The following MBNL1 variants were observed in gnomAD, a reference collection of about 807,000 sequenced individuals.
The protein encoded by MBNL1 is muscleblind like splicing regulator 1, also known as muscleblind-like protein 1.
Under a neutral mutation model 42.2 loss-of-function variants are expected in MBNL1, and 8 were observed. The observed-to-expected ratio is 0.19, with a 90% CI of 0.11 to 0.34. The LOEUF (loss-of-function observed/expected upper bound fraction) is 0.34, where lower values mean the gene tolerates loss of function less well. Ranked by LOEUF, MBNL1 falls within the 10% of genes least tolerant of loss-of-function variation. MBNL1 has a pLI of 1.00. For missense variants in MBNL1, 309 were observed against 495.3 expected, an observed-to-expected ratio of 0.62 and a Z score of 3.57; for synonymous variants, 169 against 173.9, an observed-to-expected ratio of 0.97 and a Z score of 0.22.
intron 2 of MBNL1, among the ~76,000 whole-genome samples, chr3:152,373,397 T>C (rs7650631): frequency 0.55 from 81,365 of 148,192 alleles, 22,461 homozygotes; most frequent in Middle Eastern, 0.62. Context: ...TCTGCCTAAA[T>C]GGCTGCCCTG....
At chr3:152,389,958 A>T (rs934293487) in intron 2 of MBNL1, among the ~76,000 whole-genome samples, 1 of 151,876 alleles carries the variant, frequency 6.6e-6, no homozygotes, top group Non-Finnish European at 1.5e-5. Context: ...TCACTGCAAC[A>T]TATGCCTCCC....
chr3:152,244,419 G>C (rs886213957), exon 2 of MBNL1: 2 of 100,244 alleles, frequency 2.0e-5, no homozygotes, highest in African/African-American at 6.1e-5. Context: ...AGCTTAACAA[G>C]CAACTATAAC....
At chr3:152,364,513 G>A (rs1028715367) in intron 2 of MBNL1, among the ~76,000 whole-genome samples, 6 of 151,966 alleles carry the variant, frequency 3.9e-5, no homozygotes, top group African/African-American at 1.2e-4. Context: ...AAACATATCT[G>A]CCACTCAGGT....
rs2099213463 is a variant in MBNL1 at position 152,445,677 on chromosome 3, A to G, written c.807+138A>G. On this transcript the variant is annotated intron_variant, in intron 5 of 9. Transcript: ENST00000324210. ...TATGTTTGTTCAGGTATCCCAGACA[A>G]TATATAAAGAAGTTACTTTCACAGA... is the stretch of plus-strand genomic sequence containing the variant. 1.3e-5 allele frequency: 11 copies of G among 861,622 alleles called. No homozygotes were observed. In the East Asian group the frequency reaches 2.1e-4, roughly 17 times the overall value. The allele number at this position is 861,622 out of a possible 1,614,324, so 53.4% of individuals were successfully genotyped here.
At chr3:152,244,722 C>T (rs1220875331) in intron 2 of MBNL1, among the ~76,000 whole-genome samples, 1 of 152,048 alleles carries the variant, frequency 6.6e-6, no homozygotes, top group Non-Finnish European at 1.5e-5. Flanking sequence ...TAATTTTGCA[C>T]ACAATTTAGT....
intron 2 of MBNL1, among the ~76,000 whole-genome samples, chr3:152,321,645 C>A (rs1279642202): frequency 6.6e-6 from 1 of 151,970 alleles, no homozygotes; most frequent in Admixed American, 6.6e-5. Flanking sequence ...AGAAGCAGGT[C>A]TAATTTTCTA....
intron 2 of MBNL1, among the ~76,000 whole-genome samples, chr3:152,359,357 A>G (rs1009776326): frequency 2.6e-5 from 4 of 152,170 alleles, no homozygotes; most frequent in East Asian, 3.8e-4. Context: ...AATTCCATCT[A>G]TTATTTATCA....
At chr3:152,340,434 G>A in intron 2 of MBNL1, 3 of 1,446,830 alleles carry the variant, frequency 2.1e-6, no homozygotes, top group Non-Finnish European at 2.8e-6. Context: ...GCCAAGTTCA[G>A]TTCCATTTTT....
intron 2 of MBNL1, among the ~76,000 whole-genome samples, chr3:152,334,562 C>G (rs1251142721): frequency 6.6e-6 from 1 of 152,118 alleles, no homozygotes; most frequent in Non-Finnish European, 1.5e-5. Context: ...AATATTTTCC[C>G]ATTGGTTGGA....
At chr3:152,365,422 T>C (rs1472686689) in intron 2 of MBNL1, among the ~76,000 whole-genome samples, 1 of 152,134 alleles carries the variant, frequency 6.6e-6, no homozygotes, top group Non-Finnish European at 1.5e-5. Context: ...AAAATTGTCA[T>C]TATTTCTTTT....
chr3:152,298,335 G>A (rs1281573225), intron 1 of MBNL1, among the ~76,000 whole-genome samples: 2 of 151,990 alleles, frequency 1.3e-5, no homozygotes, highest in African/African-American at 2.4e-5. Context: ...GTTGTTAAAA[G>A]TAAAAATGCC....
At chr3:152,274,221 T>A (rs1177173859) in intron 1 of MBNL1, among the ~76,000 whole-genome samples, 2 of 104,058 alleles carry the variant, frequency 1.9e-5, no homozygotes, top group Admixed American at 9.1e-5. Context: ...ATTCTAGATT[T>A]ATGGGGACAT....
chr3:152,352,816 A>C lies in MBNL1; in HGVS notation c.174+52449A>C, dbSNP rs900317882. Among the ~76,000 whole-genome samples, 3 of 152,206 alleles carry C rather than the reference A, an allele frequency of 2.0e-5. No homozygotes were observed. The East Asian group carries it at 5.8e-4, about 29-fold the overall frequency. On this transcript the variant is annotated intron_variant, in intron 2 of 9. Coordinates refer to ENST00000324210, the MANE Select transcript of MBNL1 (RefSeq NM_021038.5). Reference sequence around the variant, plus strand: ...ATTTGCCCTGCATGTACTGTGGCTAACACTGTTGTGTCAGTGCTCACTTAG... The same window carrying C: ...ATTTGCCCTGCATGTACTGTGGCTACCACTGTTGTGTCAGTGCTCACTTAG...
chr3:152,335,665 C>T (rs558715268), intron 2 of MBNL1, among the ~76,000 whole-genome samples: 1 of 151,446 alleles, frequency 6.6e-6, no homozygotes, highest in Non-Finnish European at 1.5e-5. Flanking sequence ...TTTAAATTAT[C>T]TTCCCTTTTA....
chr3:152,334,146 A>T (rs2087532949), intron 2 of MBNL1, among the ~76,000 whole-genome samples: 1 of 152,212 alleles, frequency 6.6e-6, no homozygotes, highest in Non-Finnish European at 1.5e-5. Flanking sequence ...CAATACTTTT[A>T]TACTTAGAAT....
At chr3:152,414,265 T>C (rs947591080) in intron 2 of MBNL1, among the ~76,000 whole-genome samples, 6 of 152,212 alleles carry the variant, frequency 3.9e-5, no homozygotes, top group East Asian at 1.9e-4. Context: ...TCTTATTGTT[T>C]CATAGATTTT....
chr3:152,399,626 A>C (rs1217646397), intron 2 of MBNL1, among the ~76,000 whole-genome samples: 1 of 152,048 alleles, frequency 6.6e-6, no homozygotes, highest in Non-Finnish European at 1.5e-5. Context: ...AATTCTCCCA[A>C]GTAGCTGGGA....
chr3:152,269,388 G>C (rs1263809413), intron 1 of MBNL1: 18 of 365,064 alleles, frequency 4.9e-5, no homozygotes, highest in South Asian at 1.2e-4. Context: ...GGAGAAACAG[G>C]GGGGCGAGAA....
chr3:152,252,413 T>G (rs1288387156), intron 2 of MBNL1, among the ~76,000 whole-genome samples: 1 of 152,006 alleles, frequency 6.6e-6, no homozygotes, highest in Non-Finnish European at 1.5e-5. Flanking sequence ...TTTATTGATT[T>G]AATTTTATTT....
Sources: allele counts gnomAD v4.1 joint callset (sites outside exome capture counted in the v4.1 genomes callset), GRCh38; gene constraint gnomAD v4.1.1; transcripts MANE v1.5; gene names NCBI Gene and HGNC (gene_info 2026-07-23, HGNC 2026-07-21).